The following SAXO1 variants were observed in gnomAD, a reference collection of about 807,000 sequenced individuals.
SAXO1 encodes 4930500O09Rik.
In SAXO1, 21 loss-of-function variants were observed where a neutral mutation model predicts 17.5. That is an observed-to-expected ratio of 1.20 (90% CI 0.85 to 1.72). The LOEUF (loss-of-function observed/expected upper bound fraction) is 1.72, where lower values mean the gene tolerates loss of function less well. Among genes scored for constraint, SAXO1 ranks in the 40% most tolerant of loss-of-function variants. The pLI, the probability that SAXO1 is intolerant of heterozygous loss-of-function variation, is 0.00. For synonymous variants in SAXO1, 274 were observed against 216.5 expected (o/e 1.27, Z -2.33); for missense variants, 843 against 596.0 (o/e 1.41, Z -4.32).
At chr9:19,021,989 G>A (rs1021793978) in intron 1 of SAXO1, among the ~76,000 whole-genome samples, 1 of 152,216 alleles carries the variant, frequency 6.6e-6, no homozygotes, top group African/African-American at 2.4e-5. Flanking sequence ...ACTGGGTCGG[G>A]TCCCCTTCCC....
chr9:19,043,507 C>T (rs1836129376), intron 1 of SAXO1, among the ~76,000 whole-genome samples: 1 of 152,064 alleles, frequency 6.6e-6, no homozygotes, highest in South Asian at 2.1e-4. Flanking sequence ...TGGCTCACAC[C>T]TGTAATTGGA....
intron 1 of SAXO1, among the ~76,000 whole-genome samples, chr9:18,961,019 C>T (rs1168234868): frequency 6.6e-6 from 1 of 152,104 alleles, no homozygotes; most frequent in Non-Finnish European, 1.5e-5. Flanking sequence ...TTTGTCAAAA[C>T]TCAGCAAGTG....
At chr9:19,027,411 C>A in intron 1 of SAXO1, 1 of 757,038 alleles carries the variant, frequency 1.3e-6, no homozygotes, top group South Asian at 1.4e-5. Context: ...ACACTGGGGG[C>A]TTGGACAAGC....
intron 1 of SAXO1, among the ~76,000 whole-genome samples, chr9:18,974,206 C>T (rs968688174): frequency 2.0e-5 from 3 of 152,146 alleles, no homozygotes; most frequent in African/African-American, 7.2e-5. Flanking sequence ...GGTTCTTATC[C>T]TCAAAATCTA....
chr9:18,945,016 A>G (rs540406073), intron 2 of SAXO1, among the ~76,000 whole-genome samples: 1 of 152,234 alleles, frequency 6.6e-6, no homozygotes, highest in African/African-American at 2.4e-5. Flanking sequence ...TCATCTGCAG[A>G]CCATCTCCTA....
rs182960943 is a variant in SAXO1 at position 19,001,990 on chromosome 9, G to C, written c.38+30881C>G. On this transcript the variant is annotated intron_variant, in intron 1 of 3. Coordinates refer to ENST00000380534, the MANE Select transcript of SAXO1 (RefSeq NM_153707.4). Reference sequence around the variant, plus strand: ...TTTGGAAAGATCAACAAAACAGATAGCCCACTAGCCAGACTAATAAAGAAG... The same window carrying C: ...TTTGGAAAGATCAACAAAACAGATACCCCACTAGCCAGACTAATAAAGAAG... Among the ~76,000 whole-genome samples the C allele has an allele frequency of 4.2e-4, 64 of 152,096 alleles. 1 individual carries two copies. In the East Asian group the frequency reaches 9.1e-3, roughly 22 times the overall value.
At chr9:18,998,394 G>A (rs1455988905) in intron 1 of SAXO1, among the ~76,000 whole-genome samples, 1 of 152,048 alleles carries the variant, frequency 6.6e-6, no homozygotes, top group East Asian at 1.9e-4. Context: ...ATCAAATAAA[G>A]TGAGAAGACA....
At chr9:18,950,670 C>T (rs1831995822) in intron 2 of SAXO1, 88 bp downstream of exon 2, 4 of 1,188,212 alleles carry the variant, frequency 3.4e-6, no homozygotes, top group African/African-American at 1.5e-5. Flanking sequence ...ATTAGCACTG[C>T]ACATTACATT....
At position 18,974,435 on chromosome 9, in the gene SAXO1, G is replaced by C. The variant is rs370318383; in HGVS notation, c.39-23498C>G. Among the ~76,000 whole-genome samples, 463 of 152,250 alleles carry C rather than the reference G, an allele frequency of 3.0e-3. 9 individuals carry two copies. The South Asian group carries it at 0.048, about 16-fold the overall frequency. ...CAAACACAGTGAACAATCAGACCTT[G>C]GTTTCTAAATATTAACCTCAAGTAA... On this transcript the variant is annotated intron_variant, in intron 1 of 3. Coordinates refer to ENST00000380534, the MANE Select transcript of SAXO1 (RefSeq NM_153707.4).
chr9:18,968,398 G>A (rs932650757), intron 1 of SAXO1, among the ~76,000 whole-genome samples: 2 of 152,134 alleles, frequency 1.3e-5, no homozygotes, highest in East Asian at 3.9e-4. Flanking sequence ...ATGGAGAGAT[G>A]TGTCAATGTT....
At chr9:19,002,137 A>G (rs377212932) in intron 1 of SAXO1, among the ~76,000 whole-genome samples, 2 of 152,224 alleles carry the variant, frequency 1.3e-5, no homozygotes, top group African/African-American at 4.8e-5. Flanking sequence ...AATAAACTAT[A>G]AAGTCTGGAA....
In SAXO1 at chr9:18,964,346, G is replaced by C. The variant is rs1588448890; in HGVS notation, c.39-13409C>G. 2.0e-5 allele frequency among the ~76,000 whole-genome samples: 3 copies of C among 152,294 alleles called. 1 individual carries two copies. The highest frequency in any genetic ancestry group is 3.9e-4 in the East Asian group (2 of 5,180). The stretch of plus-strand genomic sequence containing the variant: ...GTTTGGAATAGTTTCAGAAGGAATG[G>C]TACCAACTCCTTTTTGTACCTCTGG... On this transcript the variant is annotated intron_variant, in intron 1 of 3. Transcript: ENST00000380534.
intron 1 of SAXO1, among the ~76,000 whole-genome samples, chr9:18,962,393 A>G (rs938585216): frequency 5.3e-5 from 8 of 152,160 alleles, no homozygotes; most frequent in Non-Finnish European, 1.2e-4. Flanking sequence ...CATTTCTCTA[A>G]TGACCAGTGA....
At chr9:19,025,955 G>T (rs1835453596) in intron 1 of SAXO1, among the ~76,000 whole-genome samples, 1 of 152,030 alleles carries the variant, frequency 6.6e-6, no homozygotes, top group African/African-American at 2.4e-5. Flanking sequence ...ATCAAAAATG[G>T]CCCATTGTGG....
chr9:18,951,293 G>A (rs377620991), intron 1 of SAXO1, among the ~76,000 whole-genome samples: 2 of 152,114 alleles, frequency 1.3e-5, no homozygotes, highest in East Asian at 3.9e-4. Flanking sequence ...CCTCCCCTGA[G>A]GTCTCACAAC....
At chr9:19,021,957 G>T (rs759505565) in intron 1 of SAXO1, among the ~76,000 whole-genome samples, 2 of 152,194 alleles carry the variant, frequency 1.3e-5, no homozygotes, top group South Asian at 4.1e-4. Context: ...AGCCAGCAAG[G>T]GCAACCTGCT....
intron 1 of SAXO1, among the ~76,000 whole-genome samples, chr9:18,984,441 T>G (rs969283371): frequency 9.2e-5 from 14 of 152,252 alleles, no homozygotes. Flanking sequence ...TGAAAATTTG[T>G]TGTGTTTAAA....
intron 1 of SAXO1, among the ~76,000 whole-genome samples, chr9:18,987,143 C>A (rs769674304): frequency 6.6e-6 from 1 of 152,172 alleles, no homozygotes; most frequent in Non-Finnish European, 1.5e-5. Flanking sequence ...ACAGTCCTCT[C>A]AGGTGATTAA....
chr9:18,943,285 T>C (rs547609012), intron 2 of SAXO1, among the ~76,000 whole-genome samples: 8 of 152,214 alleles, frequency 5.3e-5, no homozygotes, highest in African/African-American at 1.9e-4. Flanking sequence ...GCGGCAGTTA[T>C]AGGACATTCA....
Sources: gnomAD v4.1 joint callset for allele counts (sites outside exome capture counted in the v4.1 genomes callset) on GRCh38, gnomAD v4.1.1 for gene constraint, MANE v1.5 for transcripts, NCBI Gene and HGNC (gene_info 2026-07-23, HGNC 2026-07-21) for gene names.